The following EMCN variants were observed in gnomAD, a reference collection of about 807,000 sequenced individuals.
EMCN encodes the protein endomucin, also known as MUC-14.
A neutral mutation model predicts 38.4 loss-of-function variants in EMCN; 37 were observed. The observed-to-expected ratio is 0.96, with a 90% CI of 0.74 to 1.27. The LOEUF (loss-of-function observed/expected upper bound fraction) is 1.27, where lower values mean the gene tolerates loss of function less well. Ranked by LOEUF, EMCN falls within the 50% of genes most tolerant of loss-of-function variation. The pLI, the probability that EMCN is intolerant of heterozygous loss-of-function variation, is 0.00. For missense variants in EMCN, 318 were observed against 302.8 expected (o/e 1.05, Z -0.37); for synonymous variants, 95 against 100.8 (o/e 0.94, Z 0.35).
At chr4:100,494,403 C>G (rs1158382166) in intron 1 of EMCN, among the ~76,000 whole-genome samples, 1 of 152,100 alleles carries the variant, frequency 6.6e-6, no homozygotes, top group East Asian at 1.9e-4. Context: ...TCAGAATATG[C>G]TCAAAGTCTG....
intron 2 of EMCN, among the ~76,000 whole-genome samples, chr4:100,478,523 C>T (rs945430315): frequency 1.3e-5 from 2 of 151,834 alleles, no homozygotes; most frequent in African/African-American, 4.8e-5. Flanking sequence ...TTCAAAGTAC[C>T]TTGACAACCA....
chr4:100,465,380 C>A (rs766593627), intron 4 of EMCN, 43 bp downstream of exon 4: 3 of 1,137,830 alleles, frequency 2.6e-6, no homozygotes, highest in Non-Finnish European at 3.8e-6. Context: ...TAGTTTTATG[C>A]AACACACTAG....
intron 5 of EMCN, among the ~76,000 whole-genome samples, chr4:100,442,076 A>C (rs1481459886): frequency 1.3e-5 from 2 of 152,226 alleles, no homozygotes; most frequent in Admixed American, 6.5e-5. Context: ...CTTGTAAGGC[A>C]GGTCTAGTGG....
At chr4:100,427,566 C>A (rs776279942) in intron 5 of EMCN, among the ~76,000 whole-genome samples, 3 of 151,628 alleles carry the variant, frequency 2.0e-5, no homozygotes, top group African/African-American at 4.8e-5. Flanking sequence ...GGATTATAGG[C>A]ATGAGCCACC....
At chr4:100,502,891 T>C (rs1352044830) in intron 1 of EMCN, among the ~76,000 whole-genome samples, 1 of 152,182 alleles carries the variant, frequency 6.6e-6, no homozygotes, top group Non-Finnish European at 1.5e-5. Flanking sequence ...GATTTTCTAG[T>C]GTAAAACCAA....
rs905646031 is a variant in EMCN at position 100,517,929 on chromosome 4, G to C, written c.-15C>G. On this transcript the variant is annotated 5_prime_UTR_variant, in exon 1 of 12. Coordinates refer to ENST00000296420, the MANE Select transcript of EMCN (RefSeq NM_016242.4). ...AGCAGTTCCATGGTGCCCGTAGATG[G>C]TGTCAATATCTTCTTTCTCCAGAAG... is the stretch of plus-strand genomic sequence containing the variant. The C allele has an allele frequency of 6.2e-7, 1 of 1,611,922 alleles. No homozygotes were observed. The highest frequency in any genetic ancestry group is 1.3e-5 in the African/African-American group (1 of 74,788).
chr4:100,448,826 C>CCTTCCTTCCTTCCTTCTTT lies in EMCN; in HGVS notation c.377-1256_377-1255insAAAGAAGGAAGGAAGGAAG, dbSNP rs1179151604. ...TTCCTTCCTTCCTTCCTTCCTTCCTCCCTCCCTCCCTCCCTCCCTTCCTTG... is the reference window on the plus strand; with the variant it reads ...TTCCTTCCTTCCTTCCTTCCTTCCTCCTTCCTTCCTTCCTTCTTTCCTCCCTCCCTCCCTCCCTTCCTTG... On this transcript the variant is annotated intron_variant, in intron 4 of 11. Coordinates refer to ENST00000296420, the MANE Select transcript of EMCN (RefSeq NM_016242.4). 1.7e-3 allele frequency among the ~76,000 whole-genome samples: 236 copies of CCTTCCTTCCTTCCTTCTTT among 139,304 alleles called. 8 individuals carry two copies. Among genetic ancestry groups the CCTTCCTTCCTTCCTTCTTT allele is most frequent in the East Asian group, 0.012 (55 of 4,554 alleles). The allele number at this position is 139,304 out of a possible 152,430, so 91.4% of individuals were successfully genotyped here.
intron 4 of EMCN, among the ~76,000 whole-genome samples, chr4:100,449,128 A>G (rs1299671780): frequency 1.3e-5 from 2 of 152,142 alleles, no homozygotes; most frequent in East Asian, 3.9e-4. Flanking sequence ...TATGGATAGA[A>G]TGAATGACAG....
At chr4:100,432,686 G>A (rs1388761063) in intron 5 of EMCN, among the ~76,000 whole-genome samples, 1 of 152,074 alleles carries the variant, frequency 6.6e-6, no homozygotes, top group Non-Finnish European at 1.5e-5. Context: ...CTCATGTTAA[G>A]CATCATTAAA....
At chr4:100,501,514 C>T (rs548942732) in intron 1 of EMCN, among the ~76,000 whole-genome samples, 11 of 152,156 alleles carry the variant, frequency 7.2e-5, no homozygotes, top group Admixed American at 1.3e-4. Flanking sequence ...TTATGTTATC[C>T]TTTCCTGTTT....
In EMCN at chr4:100,464,179, A is replaced by G. The variant is rs556426148; in HGVS notation, c.376+1244T>C. Among the ~76,000 whole-genome samples the G allele has an allele frequency of 8.2e-4, 124 of 151,876 alleles. 1 individual carries two copies. The highest frequency in any genetic ancestry group is 1.3e-3 in the Non-Finnish European group (87 of 67,870). On this transcript the variant is annotated intron_variant, in intron 4 of 11. Coordinates refer to ENST00000296420, the MANE Select transcript of EMCN (RefSeq NM_016242.4). ...TTTTGATGCTATTGAAGATGGAATT[A>G]TTTTCTTAATTTTATTTTGGATCAC...
intron 7 of EMCN, 115 bp downstream of exon 7, chr4:100,422,906 C>T: frequency 1.0e-6 from 1 of 954,716 alleles, no homozygotes; most frequent in East Asian, 2.6e-5. Context: ...AATGGGATTG[C>T]AGGCTCAGTA....
chr4:100,475,960 C>A (rs1269601633), intron 2 of EMCN, among the ~76,000 whole-genome samples: 2 of 148,392 alleles, frequency 1.3e-5, no homozygotes, highest in East Asian at 1.9e-4. Context: ...AGGCGTGAGC[C>A]ACTGTGCCCA....
chr4:100,507,610 A>G (rs1455156181), intron 1 of EMCN, among the ~76,000 whole-genome samples: 3 of 152,130 alleles, frequency 2.0e-5, no homozygotes, highest in South Asian at 4.2e-4. Context: ...GCCTGTGCAG[A>G]ATACTCTTCC....
intron 5 of EMCN, among the ~76,000 whole-genome samples, chr4:100,438,507 T>C (rs1002070535): frequency 6.6e-6 from 1 of 152,098 alleles, no homozygotes; most frequent in Non-Finnish European, 1.5e-5. Flanking sequence ...TGTGGAATCA[T>C]TACACATAAG....
intron 8 of EMCN, among the ~76,000 whole-genome samples, chr4:100,417,758 A>C (rs559281742): frequency 1.3e-4 from 20 of 152,270 alleles, no homozygotes; most frequent in East Asian, 3.9e-4. Flanking sequence ...TTAGAGTGAG[A>C]ACTCAGAATG....
chr4:100,401,930 C>T (rs145363126), intron 11 of EMCN, among the ~76,000 whole-genome samples: 1 of 152,236 alleles, frequency 6.6e-6, no homozygotes, highest in Non-Finnish European at 1.5e-5. Flanking sequence ...GGTCATAGAA[C>T]AGTTAAATGG....
rs184880085 is a variant in EMCN at position 100,397,868 on chromosome 4, G to C, written c.*545C>G. ...AGTAGTTATTTATTAAAAGTAACAC[G>C]AAAGCAGGAATAAAATACTTATATG... On this transcript the variant is annotated 3_prime_UTR_variant, in exon 12 of 12. Coordinates refer to ENST00000296420, the MANE Select transcript of EMCN (RefSeq NM_016242.4). 6.6e-6 allele frequency: 1 copy of C among 151,858 alleles called. No individual in the cohort carries two copies. Among genetic ancestry groups the C allele is most frequent in the Admixed American group, 6.6e-5 (1 of 15,248 alleles). 9.4% of individuals were successfully genotyped at this position (151,858 alleles called of 1,614,324 possible).
chr4:100,497,639 G>A (rs1729245458), intron 1 of EMCN, among the ~76,000 whole-genome samples: 1 of 152,154 alleles, frequency 6.6e-6, no homozygotes, highest in Non-Finnish European at 1.5e-5. Flanking sequence ...GCCTCCCAAA[G>A]TTCTGGGATT....
Sources: gnomAD v4.1 joint callset for allele counts (sites outside exome capture counted in the v4.1 genomes callset) on GRCh38, gnomAD v4.1.1 for gene constraint, MANE v1.5 for transcripts, NCBI Gene and HGNC (gene_info 2026-07-23, HGNC 2026-07-21) for gene names.